SEMA5A: variants seen among roughly 807,000 people sequenced by gnomAD.
SEMA5A encodes the protein semaphorin 5A.
In SEMA5A, 55 loss-of-function variants were observed where a neutral mutation model predicts 135.5. That is an observed-to-expected ratio of 0.41 (90% CI 0.33 to 0.51). The LOEUF (loss-of-function observed/expected upper bound fraction) is 0.51, where lower values mean the gene tolerates loss of function less well. SEMA5A is among the 20% of genes least tolerant of loss of function. The probability of loss-of-function intolerance (pLI) is 0.37; values close to 1 mark genes in which losing one functional copy is unlikely to be tolerated. For synonymous variants in SEMA5A, 580 were observed against 546.5 expected (o/e 1.06, Z -0.85); for missense variants, 1,290 against 1,419.9 (o/e 0.91, Z 1.47).
Position 9,476,104 on chromosome 5 carries a change from A to G in SEMA5A, c.-174-38252T>C, listed in dbSNP as rs546687994. 2.6e-5 allele frequency among the ~76,000 whole-genome samples: 4 copies of G among 152,364 alleles called. No individual in the cohort carries two copies. In the East Asian group the frequency reaches 7.7e-4, roughly 29 times the overall value. On this transcript the variant is annotated intron_variant, in intron 1 of 22. Coordinates refer to ENST00000382496, the MANE Select transcript of SEMA5A (RefSeq NM_003966.3). Reference sequence around the variant, plus strand: ...TTTCCATGTTTGCAAAAATAGATACATCATTCTATGTAAAGGCCGTACATT... The same window carrying G: ...TTTCCATGTTTGCAAAAATAGATACGTCATTCTATGTAAAGGCCGTACATT...
chr5:9,257,999 A>G (rs1219776393), intron 5 of SEMA5A, among the ~76,000 whole-genome samples: 1 of 152,206 alleles, frequency 6.6e-6, no homozygotes, highest in Non-Finnish European at 1.5e-5. Flanking sequence ...CCCTACAACT[A>G]GCTGCCAGCA....
At chr5:9,046,929 C>G (rs570902148) in intron 21 of SEMA5A, among the ~76,000 whole-genome samples, 1 of 152,296 alleles carries the variant, frequency 6.6e-6, no homozygotes, top group Admixed American at 6.5e-5. Flanking sequence ...CTCACAACCA[C>G]CTCAACTTTT....
chr5:9,515,935 G>T (rs1736486552), intron 1 of SEMA5A, among the ~76,000 whole-genome samples: 1 of 152,082 alleles, frequency 6.6e-6, no homozygotes, highest in Non-Finnish European at 1.5e-5. Context: ...AATGAAAGTG[G>T]GACAGGGACA....
chr5:9,310,246 T>TA (rs888006380), intron 5 of SEMA5A, among the ~76,000 whole-genome samples: 128 of 150,800 alleles, frequency 8.5e-4, no homozygotes, highest in African/African-American at 2.8e-3. Flanking sequence ...GATGTTATGT[T>TA]AAAAAAAAAT....
intron 16 of SEMA5A, among the ~76,000 whole-genome samples, chr5:9,085,295 G>T (rs904439274): frequency 2.0e-5 from 3 of 152,214 alleles, no homozygotes; most frequent in Admixed American, 2.0e-4. Context: ...CCAAGACAAT[G>T]GGGGAAGTGT....
intron 11 of SEMA5A, among the ~76,000 whole-genome samples, chr5:9,173,964 T>C (rs190676181): frequency 6.6e-6 from 1 of 152,332 alleles, no homozygotes; most frequent in African/African-American, 2.4e-5. Context: ...GAAAATACCA[T>C]ACTTAAGAAA....
chr5:9,398,686 C>G (rs1756514409), intron 2 of SEMA5A, among the ~76,000 whole-genome samples: 1 of 152,132 alleles, frequency 6.6e-6, no homozygotes, highest in African/African-American at 2.4e-5. Context: ...AATTTGCCCA[C>G]AAAAATATTT....
At chr5:9,069,560 C>A (rs1039923472) in intron 16 of SEMA5A, among the ~76,000 whole-genome samples, 1 of 152,130 alleles carries the variant, frequency 6.6e-6, no homozygotes, top group Non-Finnish European at 1.5e-5. Context: ...AATACTCTAA[C>A]TAGCTTTCTT....
intron 11 of SEMA5A, among the ~76,000 whole-genome samples, chr5:9,184,608 G>T (rs866805222): frequency 6.6e-6 from 1 of 152,056 alleles, no homozygotes; most frequent in Non-Finnish European, 1.5e-5. Context: ...CTGTGTTTTT[G>T]TTTCCATGAA....
At chr5:9,430,848 GT>G (rs113300584) in intron 2 of SEMA5A, among the ~76,000 whole-genome samples, 116 of 145,200 alleles carry the variant, frequency 8.0e-4, no homozygotes, top group East Asian at 9.9e-4. Flanking sequence ...TTTGTTTTTT[GT>G]TTTTTTTTTA....
intron 5 of SEMA5A, among the ~76,000 whole-genome samples, chr5:9,306,760 G>A (rs1330305133): frequency 6.6e-6 from 1 of 152,104 alleles, no homozygotes; most frequent in African/African-American, 2.4e-5. Flanking sequence ...GGTGTCTCTT[G>A]TGTTCATAGA....
chr5:9,303,576 T>C (rs1274961008), intron 5 of SEMA5A, among the ~76,000 whole-genome samples: 1 of 152,108 alleles, frequency 6.6e-6, no homozygotes, highest in Non-Finnish European at 1.5e-5. Context: ...TAATATATTA[T>C]AAAATAGCTG....
intron 16 of SEMA5A, among the ~76,000 whole-genome samples, chr5:9,074,287 A>G (rs188045587): frequency 1.6e-4 from 24 of 152,308 alleles, no homozygotes; most frequent in Admixed American, 3.9e-4. Context: ...GAATAATTGA[A>G]TATCCACATG....
chr5:9,450,691 G>T (rs1758610000), intron 1 of SEMA5A, among the ~76,000 whole-genome samples: 1 of 151,620 alleles, frequency 6.6e-6, no homozygotes, highest in Admixed American at 6.6e-5. Flanking sequence ...TTTACAGAAG[G>T]CTTTAGAAAA....
At chr5:9,472,996 C>T (rs1759532045) in intron 1 of SEMA5A, among the ~76,000 whole-genome samples, 1 of 150,226 alleles carries the variant, frequency 6.7e-6, no homozygotes, top group South Asian at 2.1e-4. Context: ...TAGCATTATT[C>T]ATTTCATCAT....
intron 1 of SEMA5A, among the ~76,000 whole-genome samples, chr5:9,522,102 T>A (rs1415966480): frequency 6.6e-6 from 1 of 152,120 alleles, no homozygotes. Flanking sequence ...TCTTCCCTCC[T>A]CTGTTACCTC....
chr5:9,131,547 G>T (rs1056979262), intron 13 of SEMA5A, among the ~76,000 whole-genome samples: 1 of 136,970 alleles, frequency 7.3e-6, no homozygotes, highest in Non-Finnish European at 1.5e-5. Context: ...GGTGGAAGCT[G>T]CAATGAGCTG....
intron 13 of SEMA5A, among the ~76,000 whole-genome samples, chr5:9,135,876 A>C (rs1035230199): frequency 2.0e-5 from 3 of 152,228 alleles, no homozygotes; most frequent in Non-Finnish European, 4.4e-5. Flanking sequence ...TGGTTCCTAT[A>C]AATGTGGACC....
chr5:9,331,778 G>A (rs368560936), intron 4 of SEMA5A, among the ~76,000 whole-genome samples: 8 of 152,290 alleles, frequency 5.3e-5, no homozygotes, highest in East Asian at 1.9e-4. Context: ...TAAGTTTATC[G>A]TTTAAGGGTT....
Sources: gnomAD v4.1 joint callset for allele counts (sites outside exome capture counted in the v4.1 genomes callset) on GRCh38, gnomAD v4.1.1 for gene constraint, MANE v1.5 for transcripts, NCBI Gene and HGNC (gene_info 2026-07-23, HGNC 2026-07-21) for gene names.